SFPQ: variants seen among roughly 807,000 people sequenced by gnomAD.
SFPQ encodes the protein splicing factor, proline- and glutamine-rich.
In SFPQ, 11 loss-of-function variants were observed where a neutral mutation model predicts 72.9. The ratio of observed to expected loss-of-function variants is 0.15; its 90% CI spans 0.09 to 0.25. The LOEUF (loss-of-function observed/expected upper bound fraction) is 0.25, where lower values mean the gene tolerates loss of function less well. Ranked by LOEUF, SFPQ falls within the 10% of genes least tolerant of loss-of-function variation. The probability of loss-of-function intolerance (pLI) is 1.00; values close to 1 mark genes in which losing one functional copy is unlikely to be tolerated. For missense variants in SFPQ, 847 were observed against 993.3 expected, an observed-to-expected ratio of 0.85 and a Z score of 1.98; for synonymous variants, 506 against 367.3, an observed-to-expected ratio of 1.38 and a Z score of -4.32.
rs541639558 is a variant in SFPQ at position 35,190,635 on chromosome 1, TA to T, written c.1320-43del. The T allele has an allele frequency of 5.7e-4, 920 of 1,608,990 alleles. 15 individuals are homozygous for T. The South Asian group carries it at 8.1e-3, about 14-fold the overall frequency. Reference sequence around the variant, plus strand: ...TTCCATCTTAGCTTTGTTCCAGTTTTATTGCCACCATTCTCATATAAGTTGA... The same window carrying T: ...TTCCATCTTAGCTTTGTTCCAGTTTTTTGCCACCATTCTCATATAAGTTGA... On this transcript the variant is annotated intron_variant, in intron 3 of 9. Coordinates refer to ENST00000357214, the MANE Select transcript of SFPQ (RefSeq NM_005066.3).
chr1:35,189,538 T>A (rs1052600240), intron 4 of SFPQ, among the ~76,000 whole-genome samples, 156 bp from the exon 5 acceptor site: 1 of 152,168 alleles, frequency 6.6e-6, no homozygotes, highest in African/African-American at 2.4e-5. Flanking sequence ...ACAGCAAAAA[T>A]ACTCAGAACA....
intron 1 of SFPQ, 141 bp from the exon 2 acceptor site, chr1:35,191,670 T>G: frequency 1.6e-6 from 1 of 639,032 alleles, no homozygotes. Context: ...ATGTGAGATT[T>G]CTAACATGAG....
At position 35,184,514 on chromosome 1, in the gene SFPQ, G is replaced by T. The variant is rs1313577175; in HGVS notation, c.2066C>A (p.Ala689Glu). ...GPRGMGPGTP[A>E]GYGRGREEYE... The stretch of plus-strand genomic sequence containing the variant: ...CTCTTCTCTCCCTCTACCATATCCT[G>T]CTGGAGTTCCAGGCCCCATTCCTCT... The change falls in exon 10 of 10, where the codon GCA (alanine) becomes GAA (glutamate). Residue 689 changes from alanine to glutamate, a missense_variant. Physicochemically the swap from Ala to Glu is moderately radical, Grantham distance 107. This residue lies in a region of SFPQ where 154 missense variants were observed against 186.0 expected (regional missense o/e 0.83). Transcript: ENST00000357214. 1 of 1,613,150 alleles carries T rather than the reference G, an allele frequency of 6.2e-7. No individual in the cohort carries two copies. The highest frequency in any genetic ancestry group is 8.5e-7 in the Non-Finnish European group (1 of 1,179,662).
rs191047231 is a variant in SFPQ, at chr1:35,187,346, T to C, written c.1816-95A>G. ...ATTTTCAAGAGTTAAATAAAAAACATGGTAAAGTTCAAAAGTTCATCATGT... is the reference window on the plus strand; with the variant it reads ...ATTTTCAAGAGTTAAATAAAAAACACGGTAAAGTTCAAAAGTTCATCATGT... On this transcript the variant is annotated intron_variant, in intron 7 of 9. Transcript: ENST00000357214. 3,807 of 1,141,160 alleles carry C rather than the reference T, an allele frequency of 3.3e-3. 12 individuals carry two copies. Among genetic ancestry groups the C allele is most frequent in the Non-Finnish European group, 4.5e-3 (3,461 of 761,874 alleles). The allele number at this position is 1,141,160 out of a possible 1,614,324, so 70.7% of individuals were successfully genotyped here.
chr1:35,181,458 A>ATATATAGATTAT, downstream of SFPQ: 1 of 1,063,662 alleles, frequency 9.4e-7, no homozygotes, highest in Non-Finnish European at 1.1e-6. Context: ...TTAGTGGTAC[A>ATATATAGATTAT]ATACATCTAT....
downstream of SFPQ, chr1:35,178,146 TG>T (rs1639323465): frequency 2.7e-6 from 3 of 1,105,724 alleles, no homozygotes; most frequent in Non-Finnish European, 3.3e-6. Flanking sequence ...AGATAAAGAT[TG>T]GGGGTAAGTT....
downstream of SFPQ, chr1:35,178,856 T>C (rs1430321233): frequency 1.9e-6 from 2 of 1,046,520 alleles, no homozygotes; most frequent in Non-Finnish European, 2.3e-6. Flanking sequence ...CACATTGTCC[T>C]ATCTTAAGTC....
At chr1:35,179,492 A>C, downstream of SFPQ, 1 of 1,055,264 alleles carries the variant, frequency 9.5e-7, no homozygotes, top group Non-Finnish European at 1.1e-6. Context: ...TTTGGTTTGT[A>C]ACAAAATTAT....
intron 1 of SFPQ, among the ~76,000 whole-genome samples, 173 bp downstream of exon 1, chr1:35,192,049 G>A (rs1282530180): frequency 4.6e-5 from 7 of 151,624 alleles, no homozygotes; most frequent in Non-Finnish European, 1.0e-4. Flanking sequence ...AGGCCCGGCG[G>A]CGGCCAATCC....
Position 35,192,925 on chromosome 1 carries a change from T to C in SFPQ, c.125A>G (p.Gln42Arg). ...RSPPPGMGLN[Q>R]NRGPMGPGPG... Reference sequence around the variant, plus strand: ...GCCAGGACCCATGGGGCCGCGATTCTGATTGAGGCCCATGCCGGGCGGCGG... The same window carrying C: ...GCCAGGACCCATGGGGCCGCGATTCCGATTGAGGCCCATGCCGGGCGGCGG... Residue 42 changes from glutamine (Q) to arginine (R), a missense_variant, in exon 1 of 10, where the codon CAG becomes CGG. Gln to Arg is a conservative substitution (Grantham distance 43). Coordinates refer to ENST00000357214, the MANE Select transcript of SFPQ (RefSeq NM_005066.3). 1.3e-6 allele frequency: 2 copies of C among 1,584,822 alleles called. No homozygotes were observed. Among genetic ancestry groups the C allele is most frequent in the East Asian group, 2.3e-5 (1 of 43,790 alleles).
chr1:35,176,805 C>T (rs955032881), intron 5 of SFPQ, among the ~76,000 whole-genome samples: 3 of 148,392 alleles, frequency 2.0e-5, no homozygotes, highest in Admixed American at 1.4e-4. Flanking sequence ...ACCCAGGAGG[C>T]GGAGCTTGCG....
At chr1:35,178,064 TA>T, downstream of SFPQ, 1 of 1,277,978 alleles carries the variant, frequency 7.8e-7, no homozygotes, top group South Asian at 1.4e-5. Flanking sequence ...AAAGTTAATA[TA>T]AAAGACAAGG....
chr1:35,178,653 G>C, downstream of SFPQ: 1 of 1,056,514 alleles, frequency 9.5e-7, no homozygotes, highest in Non-Finnish European at 1.1e-6. Context: ...TTCTGAGGGA[G>C]AAGACATTCA....
chr1:35,188,158 C>A lies in SFPQ; in HGVS notation c.1698-68G>T, dbSNP rs182117116. ...TCTTTTAGAATTCAATGTGAAGAAACCTAGCAGTTGACCTAAGAACTAGGT... is the reference window on the plus strand; with the variant it reads ...TCTTTTAGAATTCAATGTGAAGAAAACTAGCAGTTGACCTAAGAACTAGGT... On this transcript the variant is annotated intron_variant, in intron 6 of 9. Coordinates refer to ENST00000357214, the MANE Select transcript of SFPQ (RefSeq NM_005066.3). The A allele has an allele frequency of 9.6e-4, 1,158 of 1,210,154 alleles. 5 individuals are homozygous for A. The African/African-American group carries it at 0.01, about 10-fold the overall frequency. The allele number at this position is 1,210,154 out of a possible 1,614,324, so 75.0% of individuals were successfully genotyped here. A position where few individuals can be genotyped will look rare whatever the true frequency, so the allele number is the denominator to read the frequency against.
chr1:35,182,028 C>T, downstream of SFPQ: 1 of 985,314 alleles, frequency 1.0e-6, no homozygotes, highest in Non-Finnish European at 1.2e-6. Context: ...CATCCTTCAC[C>T]ACTCTTCAAA....
At chr1:35,182,201 G>C, downstream of SFPQ, 1 of 985,348 alleles carries the variant, frequency 1.0e-6, no homozygotes, top group Non-Finnish European at 1.2e-6. Context: ...CACCCTCTGT[G>C]GGTGTCCCAT....
At chr1:35,192,110 C>G (rs892190743) in intron 1 of SFPQ, 112 bp downstream of exon 1, 2 of 920,726 alleles carry the variant, frequency 2.2e-6, no homozygotes, top group African/African-American at 3.5e-5. Context: ...GCGGCGCGCG[C>G]AAGCGCCCCT....
chr1:35,178,638 T>C (rs1455791512), downstream of SFPQ: 11 of 1,055,756 alleles, frequency 1.0e-5, no homozygotes, highest in South Asian at 4.6e-5. Flanking sequence ...AAGGAACCAA[T>C]TTTTTTCTGA....
intron 6 of SFPQ, 22 bp from the exon 7 acceptor site, chr1:35,188,112 A>ATAACTGAAGTGTTATCCACATCT (rs2148619444): frequency 6.6e-7 from 1 of 1,509,606 alleles, no homozygotes; most frequent in East Asian, 2.3e-5. Context: ...CATCAGGTAC[A>ATAACTGAAGTGTTATCCACATCT]TAACTGAAGT....
Sources: gnomAD v4.1 joint callset for allele counts (sites outside exome capture counted in the v4.1 genomes callset) on GRCh38, gnomAD v4.1.1 for gene constraint, gnomAD v4.1.1 regional missense constraint, MANE v1.5 for transcripts, NCBI Gene and HGNC (gene_info 2026-07-23, HGNC 2026-07-21) for gene names.